ACACA: variants seen among roughly 807,000 people sequenced by gnomAD.
ACACA encodes acetyl-CoA carboxylase 1.
Under a neutral mutation model 296.1 loss-of-function variants are expected in ACACA, and 103 were observed. The ratio of observed to expected loss-of-function variants is 0.35; its 90% CI spans 0.30 to 0.41. The LOEUF is 0.41. ACACA is among the 10% of genes least tolerant of loss of function. The pLI is 1.00. For synonymous variants in ACACA, 953 were observed against 1,038.6 expected, an observed-to-expected ratio of 0.92 and a Z score of 1.58; for missense variants, 1,554 against 2,989.7, an observed-to-expected ratio of 0.52 and a Z score of 11.20.
chr17:37,110,702 G>T (rs1440018883), intron 52 of ACACA, among the ~76,000 whole-genome samples: 1 of 152,134 alleles, frequency 6.6e-6, no homozygotes, highest in Non-Finnish European at 1.5e-5. Context: ...ACATAAATGA[G>T]CTAGCATCTC....
intron 52 of ACACA, among the ~76,000 whole-genome samples, chr17:37,110,621 T>A (rs901902532): frequency 1.3e-4 from 20 of 152,270 alleles, no homozygotes; most frequent in African/African-American, 4.6e-4. Context: ...GCAAACGGGA[T>A]TTTTCTGTCT....
At chr17:37,123,049 CT>C (rs2074603035) in intron 48 of ACACA, among the ~76,000 whole-genome samples, 1 of 152,150 alleles carries the variant, frequency 6.6e-6, no homozygotes, top group South Asian at 2.1e-4. Flanking sequence ...CTTTCAGTAA[CT>C]TTTAATGAGG....
rs1170060890 is a variant in ACACA at position 37,202,982 on chromosome 17, G to A, written c.4057-2499C>T. ...AAATGCTTTTTTTTTTTTTTTAATT[G>A]AGATGGAGTCTTGTTCTGTCGCCAG... is the stretch of plus-strand genomic sequence containing the variant. On this transcript the variant is annotated intron_variant, in intron 33 of 55. Transcript: ENST00000616317. Among the ~76,000 whole-genome samples, 8 of 136,198 alleles carry A rather than the reference G, an allele frequency of 5.9e-5. No individual in the cohort carries two copies. The Admixed American group carries it at 6.0e-4, about 10-fold the overall frequency. 89.4% of individuals were successfully genotyped at this position (136,198 alleles called of 152,430 possible).
rs574011666 is a variant in ACACA at position 37,293,042 on chromosome 17, A to AT, written c.339-8073dup. ...AAAAAAACTGGCAAACTGCCGACAC[A>AT]TTTTTTTTTACAATACTTATTTTTA... On this transcript the variant is annotated intron_variant, in intron 3 of 55. Coordinates refer to ENST00000616317, the MANE Select transcript of ACACA (RefSeq NM_198834.3). 1.3e-3 allele frequency among the ~76,000 whole-genome samples: 204 copies of AT among 151,650 alleles called. 2 individuals carry two copies. The highest frequency in any genetic ancestry group is 0.012 in the South Asian group (59 of 4,808).
At chr17:37,219,586 C>T (rs1213446110) in intron 29 of ACACA, among the ~76,000 whole-genome samples, 1 of 151,828 alleles carries the variant, frequency 6.6e-6, no homozygotes, top group Non-Finnish European at 1.5e-5. Flanking sequence ...AATTCAATTG[C>T]AGTACACCAG....
rs373654590 is a variant in ACACA at position 37,278,020 on chromosome 17, G to A, written c.611-15C>T. 339 of 1,578,770 alleles carry A rather than the reference G, an allele frequency of 2.1e-4. 2 individuals carry two copies. The South Asian group carries it at 3.2e-3, about 15-fold the overall frequency. On this transcript the variant is annotated splice_polypyrimidine_tract_variant and intron_variant, in intron 5 of 55. Coordinates refer to ENST00000616317, the MANE Select transcript of ACACA (RefSeq NM_198834.3). Reference sequence around the variant, plus strand: ...CTTAATGTATTCTGAAAATGCAAGCGAATTAATAGAGAACACATGATTTTT... The same window carrying A: ...CTTAATGTATTCTGAAAATGCAAGCAAATTAATAGAGAACACATGATTTTT...
At chr17:37,143,966 G>T in intron 45 of ACACA, 1 of 944,364 alleles carries the variant, frequency 1.1e-6, no homozygotes, top group Non-Finnish European at 1.8e-6. Context: ...TTGATTTTTG[G>T]GCGATACTCA....
At chr17:37,389,859 T>C (rs1380225283) in intron 1 of ACACA, among the ~76,000 whole-genome samples, 4 of 151,394 alleles carry the variant, frequency 2.6e-5, no homozygotes, top group African/African-American at 9.7e-5. Context: ...AGGAAATAGG[T>C]AGGATTTTAT....
chr17:37,331,072 G>A (rs181179582), intron 2 of ACACA, among the ~76,000 whole-genome samples: 3 of 151,226 alleles, frequency 2.0e-5, no homozygotes, highest in East Asian at 1.9e-4. Flanking sequence ...CACCATGCCC[G>A]GCTAATTCTA....
At chr17:37,230,694 G>A (rs1475900788) in intron 25 of ACACA, among the ~76,000 whole-genome samples, 1 of 152,206 alleles carries the variant, frequency 6.6e-6, no homozygotes, top group African/African-American at 2.4e-5. Flanking sequence ...CCAACAGGAA[G>A]TTTATTACCC....
intron 3 of ACACA, among the ~76,000 whole-genome samples, chr17:37,304,501 C>G (rs920417289): frequency 2.0e-5 from 3 of 152,094 alleles, no homozygotes; most frequent in African/African-American, 7.2e-5. Flanking sequence ...CTTAAAAAAA[C>G]AGTATTTAAG....
chr17:37,270,926 C>T (rs1320442012), intron 9 of ACACA, 65 bp from the exon 10 acceptor site: 1 of 1,207,210 alleles, frequency 8.3e-7, no homozygotes, highest in African/African-American at 1.5e-5. Flanking sequence ...AGAAAACTGG[C>T]ATTTTTCTCC....
chr17:37,368,437 TGG>T (rs1273108952), intron 1 of ACACA, among the ~76,000 whole-genome samples: 2 of 151,772 alleles, frequency 1.3e-5, no homozygotes, highest in Admixed American at 6.6e-5. Context: ...AAAAATTAGC[TGG>T]GCATGGTGGC....
chr17:37,230,105 C>T (rs993128862), intron 25 of ACACA, among the ~76,000 whole-genome samples: 4 of 150,350 alleles, frequency 2.7e-5, no homozygotes, highest in Non-Finnish European at 4.4e-5. Flanking sequence ...ATAAATAAGG[C>T]CGGGTGCGGT....
At chr17:37,388,985 T>C (rs2050672328) in intron 1 of ACACA, among the ~76,000 whole-genome samples, 1 of 152,168 alleles carries the variant, frequency 6.6e-6, no homozygotes, top group Admixed American at 6.5e-5. Context: ...ATGTGTAAAA[T>C]AAGTCTCATG....
chr17:37,378,102 T>C, intron 1 of ACACA: 1 of 737,882 alleles, frequency 1.4e-6, no homozygotes, highest in Non-Finnish European at 2.2e-6. Flanking sequence ...CCCAGGGGGC[T>C]TTCTGGAAAC....
intron 41 of ACACA, among the ~76,000 whole-genome samples, chr17:37,174,021 T>TATATATATATATATATA (rs1491485396): frequency 2.6e-3 from 30 of 11,440 alleles, no homozygotes; most frequent in Non-Finnish European, 3.2e-3. Context: ...TATATATATA[T>TATATATATATATATATA]TTTTTTTTTT....
At chr17:37,281,660 T>G (rs148869903) in intron 5 of ACACA, among the ~76,000 whole-genome samples, 6 of 152,162 alleles carry the variant, frequency 3.9e-5, no homozygotes, top group African/African-American at 1.4e-4. Flanking sequence ...AAGGTCAAGA[T>G]ACCGAGACCA....
intron 1 of ACACA, among the ~76,000 whole-genome samples, chr17:37,404,088 T>A (rs1159693191): frequency 6.6e-6 from 1 of 152,180 alleles, no homozygotes; most frequent in Non-Finnish European, 1.5e-5. Flanking sequence ...ATGCTATGTT[T>A]TTAACGACTA....
Sources: allele counts gnomAD v4.1 joint callset (sites outside exome capture counted in the v4.1 genomes callset), GRCh38; gene constraint gnomAD v4.1.1; transcripts MANE v1.5; gene names NCBI Gene and HGNC (gene_info 2026-07-23, HGNC 2026-07-21).